Variants in IMPDH1 observed in about 807,000 individuals in gnomAD.
The protein encoded by IMPDH1 is inosine monophosphate dehydrogenase 1.
Under a neutral mutation model 73.5 loss-of-function variants are expected in IMPDH1, and 41 were observed. The ratio of observed to expected loss-of-function variants is 0.56; its 90% confidence interval spans 0.43 to 0.72. The LOEUF is 0.72. Ranked by LOEUF, IMPDH1 falls within the 30% of genes least tolerant of loss-of-function variation. IMPDH1 has a pLI of 0.00. For synonymous variants in IMPDH1, 318 were observed against 334.3 expected (o/e 0.95, Z 0.53); for missense variants, 645 against 824.8 (o/e 0.78, Z 2.67).
At chr7:128,405,949 G>C in intron 3 of IMPDH1, 84 bp from the exon 4 acceptor site, 1 of 1,249,536 alleles carries the variant, frequency 8.0e-7, no homozygotes. Flanking sequence ...TACTGCTGAC[G>C]CCGCGCCGCG....
chr7:128,395,422 G>A (rs1481574502), intron 12 of IMPDH1, 148 bp from the exon 13 acceptor site: 2 of 938,108 alleles, frequency 2.1e-6, no homozygotes, highest in Admixed American at 2.1e-5. Context: ...CATAACATAG[G>A]TGCTGGCAAA....
chr7:128,398,429 G>A lies in IMPDH1; in HGVS notation c.1059C>T (p.Val353=), dbSNP rs749162134. The change falls in exon 10 of 17, where the codon GTC becomes GTT. Residue 353 remains valine, a synonymous_variant. Transcript: ENST00000338791. This position sits in a 1 kb window ranked among gnomAD's most constrained non-coding sequence, Gnocchi z 4.3. The stretch of plus-strand genomic sequence containing the variant: ...GGGGCCTTACCAAGACTATGACGTC[G>A]ACGCCCGCCTGGGTGAGCAGGTCCA... The part of the protein sequence containing the change: ...YRLDLLTQAG[V]DVIVLDSSQG... 7 of 1,613,064 alleles carry A rather than the reference G, an allele frequency of 4.3e-6. No homozygotes were observed. The highest frequency in any genetic ancestry group is 2.2e-5 in the South Asian group (2 of 91,038).
intron 3 of IMPDH1, among the ~76,000 whole-genome samples, chr7:128,407,388 G>A (rs764917548): frequency 2.0e-5 from 3 of 152,326 alleles, no homozygotes; most frequent in South Asian, 2.1e-4. Flanking sequence ...GGCTGGGGCC[G>A]GATTGCCAGC....
chr7:128,401,501 G>A lies in IMPDH1; in HGVS notation c.403-385C>T, dbSNP rs558004874. On this transcript the variant is annotated intron_variant, in intron 5 of 16. Transcript: ENST00000338791. ...ACCCGCCTCAGGGTCCAGTTCTTTC[G>A]GAGGCACACTTAAGAAAGAAAAAGA... Among the ~76,000 whole-genome samples the A allele has an allele frequency of 2.0e-5, 3 of 152,222 alleles. No individual in the cohort carries two copies. The South Asian group carries it at 6.2e-4, about 32-fold the overall frequency.
At chr7:128,405,712 C>CG (rs1798680326) in intron 4 of IMPDH1, 55 bp downstream of exon 4, 1 of 1,508,876 alleles carries the variant, frequency 6.6e-7, no homozygotes. Context: ...AGGGCCGGCC[C>CG]GGGGGTCGCG....
Position 128,394,566 on chromosome 7 carries a change from G to A in IMPDH1, c.1584C>T (p.Val528=), listed in dbSNP as rs745379133. ...EGDKVKIAQG[V]SGSIQDKGSI... ...ATCCTTTGTCCTGGATGGAGCCCGA[G>A]ACACCCTGCGCGATCTTCACTTTAT... The change falls in exon 15 of 17, where the codon GTC becomes GTT. Residue 528 remains valine, a synonymous_variant. Transcript: ENST00000338791. This position sits in a 1 kb window ranked among gnomAD's most constrained non-coding sequence, Gnocchi z 5.5. 6.2e-6 allele frequency: 10 copies of A among 1,613,748 alleles called. No individual in the cohort carries two copies. Among genetic ancestry groups the A allele is most frequent in the Non-Finnish European group, 7.6e-6 (9 of 1,179,970 alleles).
rs574328258 is a variant in IMPDH1, at chr7:128,407,704, C to G, written c.254+1585G>C. ...TTACTGGGTCACTAAAGGACCTGCT[C>G]TGGGTCACTGTCCCCTACAGTATGA... On this transcript the variant is annotated intron_variant, in intron 3 of 16. Transcript: ENST00000338791. 1.0e-3 allele frequency among the ~76,000 whole-genome samples: 158 copies of G among 152,314 alleles called. 3 individuals carry two copies. Among genetic ancestry groups the G allele is most frequent in the Non-Finnish European group, 2.9e-4 (20 of 68,014 alleles).
intron 9 of IMPDH1, among the ~76,000 whole-genome samples, chr7:128,399,464 G>A (rs916354467): frequency 1.3e-5 from 2 of 151,088 alleles, no homozygotes; most frequent in Admixed American, 6.6e-5. Context: ...ATCACTTGAG[G>A]CCAGGAGTTC....
intron 3 of IMPDH1, 72 bp from the exon 4 acceptor site, chr7:128,405,937 G>T: frequency 7.3e-7 from 1 of 1,368,966 alleles, no homozygotes; most frequent in Non-Finnish European, 9.5e-7. Context: ...TGCTGCTGCT[G>T]CTACTGCTGA....
intron 3 of IMPDH1, among the ~76,000 whole-genome samples, chr7:128,408,576 C>CG (rs11407388): frequency 1 from 150,913 of 150,986 alleles, 75,421 homozygotes; most frequent in Middle Eastern, 1. Context: ...GGGTGCGGGT[C>CG]GGTTGGGGGT....
In IMPDH1 at chr7:128,394,560, G is replaced by C. The variant is rs751133021; in HGVS notation, c.1590C>G (p.Gly530=). 1.3e-5 allele frequency: 21 copies of C among 1,613,794 alleles called. No homozygotes were observed. The highest frequency in any genetic ancestry group is 1.8e-5 in the Non-Finnish European group (21 of 1,179,900). ...GAATGGATCCTTTGTCCTGGATGGAGCCCGAGACACCCTGCGCGATCTTCA... is the reference window on the plus strand; with the variant it reads ...GAATGGATCCTTTGTCCTGGATGGACCCCGAGACACCCTGCGCGATCTTCA... ...DKVKIAQGVS[G]SIQDKGSIQK... The change falls in exon 15 of 17, where the codon GGC becomes GGG. Residue 530 remains glycine (G), a synonymous_variant. Coordinates refer to ENST00000338791, the MANE Select transcript of IMPDH1 (RefSeq NM_000883.4). The surrounding 1 kb of genome is among the most constrained non-coding windows in gnomAD (Gnocchi z 5.5).
In IMPDH1 at chr7:128,394,425, A is replaced by T; in HGVS notation, c.1694+31T>A. 1 of 1,614,028 alleles carries T rather than the reference A, an allele frequency of 6.2e-7. No homozygotes were observed. The highest frequency in any genetic ancestry group is 8.5e-7 in the Non-Finnish European group (1 of 1,179,968). The stretch of plus-strand genomic sequence containing the variant: ...GGGTGGAGAAGAGCGAGAGAAAGGA[A>T]GCAGGAGCCACCCCCAGTCTCAGCA... On this transcript the variant is annotated intron_variant, in intron 15 of 16. Transcript: ENST00000338791. This position sits in a 1 kb window ranked among gnomAD's most constrained non-coding sequence, Gnocchi z 5.5.
In IMPDH1 at chr7:128,409,818, TC is replaced by T. The variant is rs1195826259; in HGVS notation, c.83del (p.Gly28AspfsTer63). On this transcript the variant is annotated frameshift_variant, in exon 1 of 17. Coordinates refer to ENST00000338791, the MANE Select transcript of IMPDH1 (RefSeq NM_000883.4). LOFTEE classifies it high-confidence loss of function. ...TGTACCGCTGCGCCGCCGTCTCGTG[TC>T]CCGGGTGTTGCCGGGCTCCGGGCTC... ...VPEPGARQHPGHETAAQRYSA... is the reference protein window; with the variant it reads ...VPEPGARQHPXHETAAQRYSA... 17 of 1,497,678 alleles carry T rather than the reference TC, an allele frequency of 1.1e-5. No homozygotes were observed. The highest frequency in any genetic ancestry group is 1.3e-5 in the Non-Finnish European group (15 of 1,131,070). The allele number at this position is 1,497,678 out of a possible 1,614,324, so 92.8% of individuals were successfully genotyped here.
chr7:128,405,996 G>C (rs1447111315), intron 3 of IMPDH1, 131 bp from the exon 4 acceptor site: 16 of 632,198 alleles, frequency 2.5e-5, no homozygotes, highest in Non-Finnish European at 3.1e-5. Context: ...GGCCGGGGGC[G>C]GGGGCGGGGG....
At chr7:128,407,315 C>A (rs1798839667) in intron 3 of IMPDH1, among the ~76,000 whole-genome samples, 1 of 152,198 alleles carries the variant, frequency 6.6e-6, no homozygotes, top group Non-Finnish European at 1.5e-5. Flanking sequence ...CCAGCCTCCC[C>A]CATTGATGCC....
rs967649042 is a variant in IMPDH1 at position 128,393,579 on chromosome 7, C to G, written c.1779-551G>C. On this transcript the variant is annotated intron_variant, in intron 16 of 16. Transcript: ENST00000338791. The stretch of plus-strand genomic sequence containing the variant: ...TGTTGGAGTTAGGGGGCCGGGGGGG[C>G]CCAAACCCAGGGTCCACATCTCATG... 6.4e-4 allele frequency: 124 copies of G among 192,278 alleles called. 1 individual carries two copies. The highest frequency in any genetic ancestry group is 2.5e-3 in the African/African-American group (108 of 42,526). 11.9% of individuals were successfully genotyped at this position (192,278 alleles called of 1,614,324 possible). A position where few individuals can be genotyped will look rare whatever the true frequency, so the allele number is the denominator to read the frequency against.
chr7:128,402,685 CAAT>C (rs1385356555), intron 5 of IMPDH1, among the ~76,000 whole-genome samples: 4 of 148,306 alleles, frequency 2.7e-5, no homozygotes, highest in African/African-American at 9.7e-5. Context: ...GAATAAATAG[CAAT>C]AATAATAGCA....
chr7:128,399,062 CT>C (rs567974849), intron 9 of IMPDH1, among the ~76,000 whole-genome samples: 6 of 151,602 alleles, frequency 4.0e-5, no homozygotes, highest in East Asian at 1.9e-4. Flanking sequence ...TTAATTTTTC[CT>C]TTTTTTTTCT....
chr7:128,392,948 T>G lies in IMPDH1; in HGVS notation c.*59A>C. ...ACCACTCAGTTATGGAGGGAGGCTG[T>G]GCCCAAAAGTGGACACTGGGGTGCA... is the stretch of plus-strand genomic sequence containing the variant. On this transcript the variant is annotated 3_prime_UTR_variant, in exon 17 of 17. Transcript: ENST00000338791. 1 of 1,566,938 alleles carries G rather than the reference T, an allele frequency of 6.4e-7. No homozygotes were observed. The highest frequency in any genetic ancestry group is 8.8e-7 in the Non-Finnish European group (1 of 1,137,298).
Sources: gnomAD v4.1 joint callset for allele counts (sites outside exome capture counted in the v4.1 genomes callset) on GRCh38, gnomAD v4.1.1 for gene constraint, Gnocchi (gnomAD v3.1) non-coding constraint, MANE v1.5 for transcripts, NCBI Gene and HGNC (gene_info 2026-07-23, HGNC 2026-07-21) for gene names.